Variants in TRHDE observed in about 807,000 individuals in gnomAD.
TRHDE encodes the protein thyrotropin releasing hormone degrading enzyme.
A neutral mutation model predicts 125.7 loss-of-function variants in TRHDE; 72 were observed. That is an observed-to-expected ratio of 0.57 (90% CI 0.47 to 0.70). The LOEUF (loss-of-function observed/expected upper bound fraction) is 0.70, where lower values mean the gene tolerates loss of function less well. Ranked by LOEUF, TRHDE falls within the 30% of genes least tolerant of loss-of-function variation. TRHDE has a pLI of 0.00. For missense variants in TRHDE, 1,110 were observed against 1,327.1 expected (o/e 0.84, Z 2.54); for synonymous variants, 509 against 509.1 (o/e 1.00, Z 0.00).
At chr12:72,436,016 G>T (rs1874729108) in intron 3 of TRHDE, among the ~76,000 whole-genome samples, 1 of 151,966 alleles carries the variant, frequency 6.6e-6, no homozygotes, top group Non-Finnish European at 1.5e-5. Context: ...TACACTAAAT[G>T]AAAATATAAA....
intron 5 of TRHDE, among the ~76,000 whole-genome samples, chr12:72,491,851 G>C (rs1379937771): frequency 6.6e-6 from 1 of 151,892 alleles, no homozygotes. Flanking sequence ...AATAACATAT[G>C]GAACACATTA....
intron 1 of TRHDE, among the ~76,000 whole-genome samples, chr12:72,103,287 A>C (rs1875109833): frequency 6.6e-6 from 1 of 152,236 alleles, no homozygotes; most frequent in Admixed American, 6.5e-5. Context: ...TATTTAGGAC[A>C]TTGTATCCTA....
chr12:72,621,372 T>C (rs1592577825), intron 14 of TRHDE, 167 bp downstream of exon 14: 2 of 599,204 alleles, frequency 3.3e-6, no homozygotes, highest in Admixed American at 3.2e-5. Context: ...TTCCATTGCC[T>C]GATCCTGAGA....
At position 72,578,984 on chromosome 12, in the gene TRHDE, G is replaced by GTTTTTT. The variant is rs3081947; in HGVS notation, c.2321+3451_2321+3456dup. ...TCTTTACACTTTCTTACTGTTTAGT[G>GTTTTTT]TTTTTTTTTTTTTTATGAACAGAAA... On this transcript the variant is annotated intron_variant, in intron 12 of 18. Coordinates refer to ENST00000261180, the MANE Select transcript of TRHDE (RefSeq NM_013381.3). 9.5e-3 allele frequency among the ~76,000 whole-genome samples: 1,290 copies of GTTTTTT among 135,878 alleles called. 20 individuals carry two copies. The highest frequency in any genetic ancestry group is 0.018 in the African/African-American group (650 of 36,922). 89.1% of individuals were successfully genotyped at this position (135,878 alleles called of 152,430 possible).
At chr12:72,256,930 A>G (rs1024410920) in intron 2 of TRHDE, 59 of 152,336 alleles carry the variant, frequency 3.9e-4, no homozygotes, top group African/African-American at 1.3e-3. Flanking sequence ...TGAACATGGC[A>G]CCATGTGAAA....
intron 3 of TRHDE, among the ~76,000 whole-genome samples, chr12:72,415,374 G>A (rs564698348): frequency 6.6e-6 from 1 of 151,798 alleles, no homozygotes; most frequent in Non-Finnish European, 1.5e-5. Flanking sequence ...CATTTTTTTT[G>A]TTAGGAACAT....
intron 3 of TRHDE, among the ~76,000 whole-genome samples, chr12:72,442,061 G>T (rs892613438): frequency 1.3e-5 from 2 of 151,764 alleles, no homozygotes; most frequent in African/African-American, 4.8e-5. Context: ...ATTTCACCTT[G>T]TAAAGAGAGG....
rs558073864 is a variant in TRHDE, at chr12:72,231,450, G to A, written n.279+125698G>A. Among the ~76,000 whole-genome samples the A allele has an allele frequency of 2.6e-5, 4 of 152,202 alleles. 1 individual carries two copies. The highest frequency in any genetic ancestry group is 7.2e-5 in the African/African-American group (3 of 41,568). On this transcript the variant is annotated intron_variant and non_coding_transcript_variant, in intron 2 of 4. Coordinates refer to the TRHDE transcript ENST00000548156. ...AAGCTTGATAAGAGTTCTGTTGTGC[G>A]ATAGTTTAGGAAATTAACTTATTAA...
intron 1 of TRHDE, among the ~76,000 whole-genome samples, chr12:72,090,690 A>C (rs1874769540): frequency 6.6e-6 from 1 of 152,160 alleles, no homozygotes; most frequent in Admixed American, 6.5e-5. Flanking sequence ...AAGTTAAATT[A>C]ACCTTTTATA....
intron 9 of TRHDE, 31 bp downstream of exon 9, chr12:72,563,071 T>G (rs1002018561): frequency 1.4e-6 from 2 of 1,464,102 alleles, no homozygotes; most frequent in African/African-American, 1.4e-5. Context: ...TGAAAAATAT[T>G]GTTTTTATTC....
intron 15 of TRHDE, among the ~76,000 whole-genome samples, chr12:72,647,443 A>C (rs1220750689): frequency 1.3e-5 from 2 of 151,986 alleles, no homozygotes; most frequent in East Asian, 1.9e-4. Flanking sequence ...AGTTAGCAAA[A>C]GGGAGGAAAT....
intron 2 of TRHDE, among the ~76,000 whole-genome samples, chr12:72,199,324 C>A (rs942157787): frequency 6.6e-6 from 1 of 152,122 alleles, no homozygotes; most frequent in Non-Finnish European, 1.5e-5. Flanking sequence ...AGAGGTAGGT[C>A]AAGCTGCACT....
intron 3 of TRHDE, among the ~76,000 whole-genome samples, chr12:72,450,961 A>G (rs1033784407): frequency 3.0e-4 from 45 of 152,052 alleles, no homozygotes; most frequent in African/African-American, 1.0e-3. Context: ...AGAACTGTCA[A>G]TTGCAGTGGT....
chr12:72,410,998 C>T (rs540330633), intron 3 of TRHDE, among the ~76,000 whole-genome samples: 2 of 151,962 alleles, frequency 1.3e-5, no homozygotes, highest in African/African-American at 4.8e-5. Context: ...TGAGACCATC[C>T]TGGCTAACAC....
At chr12:72,430,342 T>C (rs1368816864) in intron 3 of TRHDE, among the ~76,000 whole-genome samples, 1 of 145,744 alleles carries the variant, frequency 6.9e-6, no homozygotes, top group Non-Finnish European at 1.5e-5. Flanking sequence ...TACATGTATA[T>C]ATACATGTAT....
chr12:72,499,949 A>G (rs1878078695), intron 6 of TRHDE, among the ~76,000 whole-genome samples: 1 of 152,206 alleles, frequency 6.6e-6, no homozygotes, highest in South Asian at 2.1e-4. Flanking sequence ...ATTATTAATA[A>G]GAGGGCTGAC....
chr12:72,134,697 C>T (rs1466334938), intron 2 of TRHDE, among the ~76,000 whole-genome samples: 1 of 151,842 alleles, frequency 6.6e-6, no homozygotes, highest in East Asian at 1.9e-4. Context: ...CTTTGAACTC[C>T]CTTTATGCTA....
At chr12:72,582,285 A>G (rs1871271765) in intron 12 of TRHDE, 1 of 983,694 alleles carries the variant, frequency 1.0e-6, no homozygotes. Context: ...CACTGAAAAT[A>G]TAATGGCTAA....
upstream of TRHDE, among the ~76,000 whole-genome samples, chr12:72,270,742 G>T (rs538277793): frequency 6.6e-6 from 1 of 152,182 alleles, no homozygotes; most frequent in Non-Finnish European, 1.5e-5. Flanking sequence ...TGGGGTGGCT[G>T]TTTTCTGAAT....
Sources: allele counts gnomAD v4.1 joint callset (sites outside exome capture counted in the v4.1 genomes callset), GRCh38; gene constraint gnomAD v4.1.1; transcripts MANE v1.5; gene names NCBI Gene and HGNC (gene_info 2026-07-23, HGNC 2026-07-21).